Variants in CSMD1 observed in about 807,000 individuals in gnomAD.
CSMD1 encodes the protein CUB and sushi domain-containing protein 1.
Under a neutral mutation model 417.5 loss-of-function variants are expected in CSMD1, and 213 were observed. The observed-to-expected ratio is 0.51, with a 90% CI of 0.46 to 0.57. The LOEUF (loss-of-function observed/expected upper bound fraction) is 0.57. Among genes scored for constraint, CSMD1 ranks in the 20% least tolerant of loss-of-function variants. The pLI is 0.00. For synonymous variants in CSMD1, 2,862 were observed against 1,736.8 expected (o/e 1.65, Z -16.11); for missense variants, 6,923 against 4,529.7 (o/e 1.53, Z -15.17).
At position 2,983,972 on chromosome 8, in the gene CSMD1, T is replaced by C. The variant is rs931714696; in HGVS notation, c.8378-5172A>G. 3.3e-5 allele frequency among the ~76,000 whole-genome samples: 5 copies of C among 152,266 alleles called. No homozygotes were observed. The East Asian group carries it at 9.6e-4, about 29-fold the overall frequency. Reference sequence around the variant, plus strand: ...AATTAAAAATTAATATTAAGCAAAATTGGCAGAAATACACTGTTACAGTAT... The same window carrying C: ...AATTAAAAATTAATATTAAGCAAAACTGGCAGAAATACACTGTTACAGTAT... On this transcript the variant is annotated intron_variant, in intron 54 of 69. Coordinates refer to ENST00000635120, the MANE Select transcript of CSMD1 (RefSeq NM_033225.6).
intron 3 of CSMD1, among the ~76,000 whole-genome samples, chr8:4,361,651 A>G (rs990118304): frequency 6.6e-6 from 1 of 152,052 alleles, no homozygotes; most frequent in Non-Finnish European, 1.5e-5. Flanking sequence ...TTTTTCCTTA[A>G]AGAAGTTTCC....
At chr8:4,174,691 G>T (rs546348939) in intron 3 of CSMD1, among the ~76,000 whole-genome samples, 17 of 133,518 alleles carry the variant, frequency 1.3e-4, no homozygotes, top group Non-Finnish European at 2.2e-4. Context: ...AAAGAAAAAA[G>T]GTGTCTAGAA....
intron 2 of CSMD1, among the ~76,000 whole-genome samples, chr8:4,440,255 ATATATT>A (rs1452525612): frequency 7.2e-5 from 11 of 152,220 alleles, no homozygotes; most frequent in Non-Finnish European, 1.5e-4. Context: ...TACATATTGT[ATATATT>A]TATAAGATGC....
chr8:4,556,871 T>C (rs1420648425), intron 2 of CSMD1, among the ~76,000 whole-genome samples: 2 of 152,184 alleles, frequency 1.3e-5, no homozygotes, highest in Admixed American at 6.5e-5. Context: ...TATAATGCAA[T>C]GATTCCAAAC....
intron 22 of CSMD1, among the ~76,000 whole-genome samples, chr8:3,345,626 T>C (rs1468945221): frequency 1.3e-5 from 2 of 152,198 alleles, no homozygotes; most frequent in Non-Finnish European, 2.9e-5. Flanking sequence ...ATTCAAAGGG[T>C]TCTTTTCAGT....
Position 3,284,270 on chromosome 8 carries a change from T to C in CSMD1, c.4027A>G (p.Ile1343Val), listed in dbSNP as rs776418740. The C allele has an allele frequency of 1.2e-6, 2 of 1,613,974 alleles. No individual in the cohort carries two copies. The highest frequency in any genetic ancestry group is 1.3e-5 in the African/African-American group (1 of 75,054). The change falls in exon 26 of 70, where the codon ATC (isoleucine) becomes GTC (valine). Residue 1343 changes from isoleucine (I) to valine (V), a missense_variant. Transcript: ENST00000635120. ...GAGCCACTCCACTCCTTCAGCAGGA[T>C]GTCACTGTCCACCGGCCCGTCCCAG... ...KVWDGPVDSD[I>V]LLKEWSGSAL... is the part of the protein sequence containing the mutation.
intron 2 of CSMD1, among the ~76,000 whole-genome samples, chr8:4,596,986 C>T (rs1473816308): frequency 6.6e-6 from 1 of 152,172 alleles, no homozygotes; most frequent in Non-Finnish European, 1.5e-5. Flanking sequence ...GTGCCTCTTT[C>T]CTCCCGCCAT....
chr8:3,047,921 T>C (rs150637428), intron 50 of CSMD1, among the ~76,000 whole-genome samples: 73 of 152,326 alleles, frequency 4.8e-4, no homozygotes, highest in African/African-American at 1.6e-3. Context: ...GTGAAGGCAT[T>C]CTGTTCTGGA....
intron 5 of CSMD1, among the ~76,000 whole-genome samples, chr8:3,803,689 G>C (rs368087381): frequency 6.6e-6 from 1 of 152,160 alleles, no homozygotes; most frequent in African/African-American, 2.4e-5. Context: ...AGATTTGTTG[G>C]TCAGAATTAG....
intron 1 of CSMD1, among the ~76,000 whole-genome samples, chr8:4,768,249 C>CT (rs1176571159): frequency 6.6e-6 from 1 of 152,068 alleles, no homozygotes; most frequent in East Asian, 1.9e-4. Flanking sequence ...TGGGCTCCTC[C>CT]TTCATGTCAG....
intron 1 of CSMD1, among the ~76,000 whole-genome samples, chr8:4,888,072 T>A (rs773047193): frequency 2.0e-5 from 3 of 152,030 alleles, no homozygotes; most frequent in Non-Finnish European, 2.9e-5. Context: ...AAGATAAACT[T>A]TCAACAATGT....
chr8:3,732,395 G>T (rs960320592), intron 6 of CSMD1, among the ~76,000 whole-genome samples: 1 of 152,092 alleles, frequency 6.6e-6, no homozygotes, highest in Non-Finnish European at 1.5e-5. Flanking sequence ...TTTTCTAGCT[G>T]TACCCTTCAA....
Position 4,324,896 on chromosome 8 carries a change from G to A in CSMD1, c.415+95057C>T, listed in dbSNP as rs530536788. 3.9e-5 allele frequency among the ~76,000 whole-genome samples: 6 copies of A among 152,274 alleles called. 1 individual carries two copies. The South Asian group carries it at 6.2e-4, about 16-fold the overall frequency. On this transcript the variant is annotated intron_variant, in intron 3 of 69. Transcript: ENST00000635120. Reference sequence around the variant, plus strand: ...GGGTCCTGGATCCTCAAGGCACTCTGAGTCCTGAGTTGATTCTAGGTATGG... The same window carrying A: ...GGGTCCTGGATCCTCAAGGCACTCTAAGTCCTGAGTTGATTCTAGGTATGG...
chr8:3,341,288 G>A (rs1807625341), intron 23 of CSMD1, among the ~76,000 whole-genome samples: 1 of 152,094 alleles, frequency 6.6e-6, no homozygotes, highest in African/African-American at 2.4e-5. Context: ...ACTGCTACCT[G>A]GACAACAGAA....
At chr8:3,525,685 T>G (rs528828844) in intron 10 of CSMD1, among the ~76,000 whole-genome samples, 1 of 152,214 alleles carries the variant, frequency 6.6e-6, no homozygotes, top group Non-Finnish European at 1.5e-5. Context: ...TGCTGCTCTA[T>G]GTACCCAGCT....
At chr8:3,833,198 T>C (rs1802470194) in intron 5 of CSMD1, among the ~76,000 whole-genome samples, 1 of 152,186 alleles carries the variant, frequency 6.6e-6, no homozygotes, top group Non-Finnish European at 1.5e-5. Context: ...CAAAGAATTT[T>C]TAATCAAGAA....
At chr8:4,405,019 T>A (rs954956000) in intron 3 of CSMD1, among the ~76,000 whole-genome samples, 3 of 152,240 alleles carry the variant, frequency 2.0e-5, no homozygotes, top group African/African-American at 7.2e-5. Context: ...GTAATAAAAC[T>A]GAGGTTTAAA....
At chr8:4,994,078 GAA>G (rs1811624212) in intron 1 of CSMD1, among the ~76,000 whole-genome samples, 1 of 149,234 alleles carries the variant, frequency 6.7e-6, no homozygotes, top group Admixed American at 6.7e-5. Context: ...GTACTGCCGA[GAA>G]AAAGAGATCT....
At chr8:3,041,075 T>C (rs975794003) in intron 50 of CSMD1, among the ~76,000 whole-genome samples, 1 of 152,190 alleles carries the variant, frequency 6.6e-6, no homozygotes, top group African/African-American at 2.4e-5. Context: ...ATAATTTTCT[T>C]AACCAACATG....
Sources: allele counts gnomAD v4.1 joint callset (sites outside exome capture counted in the v4.1 genomes callset), GRCh38; gene constraint gnomAD v4.1.1; transcripts MANE v1.5; gene names NCBI Gene and HGNC (gene_info 2026-07-23, HGNC 2026-07-21).